Variants in LEPR observed in about 807,000 individuals in gnomAD.
LEPR encodes the protein leptin receptor.
Under a neutral mutation model 114.7 loss-of-function variants are expected in LEPR, and 56 were observed. That is an observed-to-expected ratio of 0.49 (90% CI 0.39 to 0.61). The LOEUF is 0.61. Among genes scored for constraint, LEPR ranks in the 20% least tolerant of loss-of-function variants. The pLI, the probability that LEPR is intolerant of heterozygous loss-of-function variation, is 0.00. For synonymous variants in LEPR, 443 were observed against 461.4 expected, an observed-to-expected ratio of 0.96 and a Z score of 0.51; for missense variants, 1,202 against 1,352.9, an observed-to-expected ratio of 0.89 and a Z score of 1.75.
intron 2 of LEPR, among the ~76,000 whole-genome samples, chr1:65,427,582 A>C (rs2101691673): frequency 6.6e-6 from 1 of 152,262 alleles, no homozygotes; most frequent in African/African-American, 2.4e-5. Flanking sequence ...TAGAAAAAAA[A>C]TTAAAATGGC....
At chr1:65,636,079 T>C in intron 19 of LEPR, 112 bp from the exon 20 acceptor site, 1 of 1,233,766 alleles carries the variant, frequency 8.1e-7, no homozygotes, top group Non-Finnish European at 1.2e-6. Flanking sequence ...TAATTTGTGG[T>C]TGACTTATGT....
In LEPR at chr1:65,596,767, A is replaced by G. The variant is rs188880559; in HGVS notation, c.849+174A>G. Among the ~76,000 whole-genome samples the G allele has an allele frequency of 7.2e-5, 11 of 152,260 alleles. No homozygotes were observed. The East Asian group carries it at 1.2e-3, about 16-fold the overall frequency. ...TATATAGATAGATATACGTATGTAT[A>G]TATATGGCTATAGGAAATCTAGTTA... On this transcript the variant is annotated intron_variant, in intron 7 of 19. Coordinates refer to ENST00000349533, the MANE Select transcript of LEPR (RefSeq NM_002303.6).
At chr1:65,491,327 A>G (rs939086738) in intron 2 of LEPR, among the ~76,000 whole-genome samples, 2 of 152,132 alleles carry the variant, frequency 1.3e-5, no homozygotes, top group African/African-American at 4.8e-5. Flanking sequence ...ACGAAGATCA[A>G]AGAACTCTAA....
intron 2 of LEPR, among the ~76,000 whole-genome samples, chr1:65,442,974 T>C (rs1399880774): frequency 6.6e-6 from 1 of 152,188 alleles, no homozygotes; most frequent in Non-Finnish European, 1.5e-5. Context: ...GAGGACCTCA[T>C]ATTACAAGGC....
At chr1:65,601,799 T>C in intron 9 of LEPR, 44 bp from the exon 10 acceptor site, 1 of 1,583,098 alleles carries the variant, frequency 6.3e-7, no homozygotes, top group Non-Finnish European at 8.6e-7. Context: ...TTGAATTTTT[T>C]GGAGTTTTTG....
intron 2 of LEPR, among the ~76,000 whole-genome samples, chr1:65,534,085 G>A (rs1650590068): frequency 6.6e-6 from 1 of 151,994 alleles, no homozygotes; most frequent in Non-Finnish European, 1.5e-5. Flanking sequence ...CTTTCCACTG[G>A]AGAATTTTGT....
At chr1:65,548,846 T>A (rs1652018057) in intron 2 of LEPR, among the ~76,000 whole-genome samples, 1 of 152,344 alleles carries the variant, frequency 6.6e-6, no homozygotes, top group South Asian at 2.1e-4. Flanking sequence ...TTTGGTCCTG[T>A]CATTATGATG....
chr1:65,604,933 A>C, intron 10 of LEPR, 105 bp from the exon 11 acceptor site: 1 of 1,427,206 alleles, frequency 7.0e-7, no homozygotes, highest in Admixed American at 2.0e-5. Flanking sequence ...CCTGGTGCCA[A>C]AAAGGTTGGG....
chr1:65,501,799 G>T (rs1008623439), intron 2 of LEPR, among the ~76,000 whole-genome samples: 19 of 152,024 alleles, frequency 1.2e-4, no homozygotes, highest in African/African-American at 4.6e-4. Context: ...GTAACACAAG[G>T]GTCCAAGGAG....
At chr1:65,496,987 C>CAT (rs137868844) in intron 2 of LEPR, among the ~76,000 whole-genome samples, 38,056 of 150,172 alleles carry the variant, frequency 0.25, 5,665 homozygotes, top group African/African-American at 0.41. Flanking sequence ...TGTTCATATA[C>CAT]ATATATATAT....
chr1:65,597,921 T>C (rs551694987), intron 7 of LEPR, among the ~76,000 whole-genome samples: 16 of 117,654 alleles, frequency 1.4e-4, no homozygotes, highest in African/African-American at 5.3e-4. Context: ...TAAATAGGAG[T>C]TATTAATATC....
intron 2 of LEPR, chr1:65,526,151 G>T (rs941786053): frequency 2.0e-6 from 2 of 983,982 alleles, no homozygotes; most frequent in African/African-American, 3.5e-5. Context: ...TCCAGGCTTC[G>T]TGCCTACTTT....
intron 19 of LEPR, among the ~76,000 whole-genome samples, chr1:65,626,766 C>T (rs1658242937): frequency 6.6e-6 from 1 of 152,102 alleles, no homozygotes; most frequent in Non-Finnish European, 1.5e-5. Context: ...ACCTCATCCC[C>T]TTTAGTAGCT....
chr1:65,576,501 T>C lies in LEPR; in HGVS notation c.494+4052T>C, dbSNP rs534237057. On this transcript the variant is annotated intron_variant, in intron 5 of 19. Transcript: ENST00000349533. The stretch of plus-strand genomic sequence containing the variant: ...TCTGGAGGTGATAGAGCCTTCCAAG[T>C]TGAAGGACTTTGGGGCATTTTGGCC... The C allele has an allele frequency of 6.5e-5, 10 of 154,732 alleles. No individual in the cohort carries two copies. In the South Asian group the frequency reaches 1.8e-3, roughly 28 times the overall value. The allele number at this position is 154,732 out of a possible 1,614,324, so 9.6% of individuals were successfully genotyped here.
At chr1:65,495,516 A>G (rs1182488342) in intron 2 of LEPR, among the ~76,000 whole-genome samples, 1 of 152,148 alleles carries the variant, frequency 6.6e-6, no homozygotes, top group Non-Finnish European at 1.5e-5. Flanking sequence ...TAAAACTGGA[A>G]CTATCATATG....
At chr1:65,626,391 A>T in intron 19 of LEPR, 2 of 811,146 alleles carry the variant, frequency 2.5e-6, no homozygotes, top group Non-Finnish European at 3.0e-6. Flanking sequence ...AAATCTCTGG[A>T]AATATTTGAC....
chr1:65,451,542 C>G (rs1646785308), intron 2 of LEPR, among the ~76,000 whole-genome samples: 1 of 152,128 alleles, frequency 6.6e-6, no homozygotes. Flanking sequence ...GGAATCCTTT[C>G]CCCATTGCTT....
chr1:65,593,496 A>G (rs1655847298), intron 6 of LEPR, among the ~76,000 whole-genome samples: 1 of 152,122 alleles, frequency 6.6e-6, no homozygotes, highest in African/African-American at 2.4e-5. Context: ...TATGTATTTA[A>G]TTTATTAATT....
Position 65,531,218 on chromosome 1 carries a change from G to T in LEPR, c.-20-34328G>T, listed in dbSNP as rs1293533680. Reference sequence around the variant, plus strand: ...TCCTTGCTATTTCTTGACTATATTAGAAACCATCTTTTCATTTTAGCTTTT... The same window carrying T: ...TCCTTGCTATTTCTTGACTATATTATAAACCATCTTTTCATTTTAGCTTTT... On this transcript the variant is annotated intron_variant, in intron 2 of 19. Coordinates refer to ENST00000349533, the MANE Select transcript of LEPR (RefSeq NM_002303.6). 2.0e-5 allele frequency among the ~76,000 whole-genome samples: 3 copies of T among 152,006 alleles called. No homozygotes were observed. In the East Asian group the frequency reaches 5.8e-4, roughly 29 times the overall value.
Sources: gnomAD v4.1 joint callset for allele counts (sites outside exome capture counted in the v4.1 genomes callset) on GRCh38, gnomAD v4.1.1 for gene constraint, MANE v1.5 for transcripts, NCBI Gene and HGNC (gene_info 2026-07-23, HGNC 2026-07-21) for gene names.